Variants in PIGL observed in about 807,000 individuals in gnomAD.
PIGL encodes the protein phosphatidylinositol glycan anchor biosynthesis class L, also known as N-acetylglucosaminyl-phosphatidylinositol de-N-acetylase.
PIGL carries 22 observed loss-of-function variants against 31.1 expected under a neutral mutation model. The observed-to-expected ratio is 0.71, with a 90% CI of 0.51 to 1.01. PIGL has a LOEUF of 1.01. Ranked by LOEUF, PIGL falls within the 50% of genes least tolerant of loss-of-function variation. PIGL has a pLI of 0.00. For missense variants in PIGL, 302 were observed against 315.9 expected, an observed-to-expected ratio of 0.96 and a Z score of 0.33; for synonymous variants, 131 against 117.4, an observed-to-expected ratio of 1.12 and a Z score of -0.75.
chr17:16,297,507 T>C lies in PIGL; in HGVS notation c.336-2381T>C, dbSNP rs139727368. On this transcript the variant is annotated intron_variant, in intron 2 of 6. Transcript: ENST00000225609. ...CTGGTGTATTCCCTCTCCAAAATGA[T>C]GCCTTAATACATTTATGTGAACCTC... 8.5e-3 allele frequency among the ~76,000 whole-genome samples: 1,302 copies of C among 152,342 alleles called. 12 individuals are homozygous for C. The highest frequency in any genetic ancestry group is 0.014 in the Non-Finnish European group (932 of 68,026).
At chr17:16,217,621 G>T (rs1600728990) in intron 1 of PIGL, 160 bp downstream of exon 1, 2 of 577,250 alleles carry the variant, frequency 3.5e-6, no homozygotes, top group Admixed American at 3.3e-5. Context: ...GACAGGAGCG[G>T]CCGGCTTACC....
chr17:16,223,833 T>C (rs1397816289), intron 1 of PIGL, among the ~76,000 whole-genome samples: 1 of 152,198 alleles, frequency 6.6e-6, no homozygotes, highest in Non-Finnish European at 1.5e-5. Context: ...TAGACTGCAC[T>C]GCCAGCTCTC....
chr17:16,218,034 A>T (rs2092603292), intron 1 of PIGL: 1 of 152,280 alleles, frequency 6.6e-6, no homozygotes. Context: ...CCTTTCAAAT[A>T]ATAGATTTTT....
At chr17:16,275,277 C>G (rs2092890110) in intron 2 of PIGL, among the ~76,000 whole-genome samples, 2 of 152,140 alleles carry the variant, frequency 1.3e-5, no homozygotes, top group South Asian at 4.1e-4. Context: ...GTCAGTGGCA[C>G]TGGTGGGAGT....
intron 2 of PIGL, among the ~76,000 whole-genome samples, chr17:16,267,038 G>T (rs1188621184): frequency 1.3e-5 from 2 of 152,016 alleles, no homozygotes; most frequent in African/African-American, 2.4e-5. Context: ...ACAATGAGAG[G>T]GTTAGGGTGC....
chr17:16,278,330 C>T (rs1365271872), intron 2 of PIGL, among the ~76,000 whole-genome samples: 1 of 152,130 alleles, frequency 6.6e-6, no homozygotes, highest in East Asian at 1.9e-4. Context: ...CTCAGGTGAT[C>T]CACCTGCCTT....
At chr17:16,259,671 T>C (rs1480030040) in intron 2 of PIGL, among the ~76,000 whole-genome samples, 2 of 152,172 alleles carry the variant, frequency 1.3e-5, no homozygotes, top group African/African-American at 4.8e-5. Flanking sequence ...TTGCTGATGA[T>C]TTTGATGGCA....
At chr17:16,258,640 A>T (rs2092807304) in intron 2 of PIGL, among the ~76,000 whole-genome samples, 1 of 151,950 alleles carries the variant, frequency 6.6e-6, no homozygotes, top group Non-Finnish European at 1.5e-5. Flanking sequence ...AGTAGCTAGG[A>T]TTACAGGCAT....
At chr17:16,231,067 CTTTTTTTTT>C (rs59390439) in intron 1 of PIGL, among the ~76,000 whole-genome samples, 11 of 96,530 alleles carry the variant, frequency 1.1e-4, no homozygotes, top group South Asian at 6.5e-4. Context: ...TTTGGTTTTT[CTTTTTTTTT>C]TTTTTTTTTT....
At chr17:16,302,973 C>A (rs979103648) in intron 3 of PIGL, among the ~76,000 whole-genome samples, 1 of 152,152 alleles carries the variant, frequency 6.6e-6, no homozygotes, top group Non-Finnish European at 1.5e-5. Flanking sequence ...CACTGGTGAA[C>A]AACGTTGGTC....
chr17:16,313,483 A>G (rs2093063387), intron 3 of PIGL, 64 bp from the exon 4 acceptor site: 24 of 1,149,156 alleles, frequency 2.1e-5, no homozygotes, highest in Non-Finnish European at 2.4e-5. Context: ...AGGGAAGGAG[A>G]CAGCTCCATT....
intron 1 of PIGL, among the ~76,000 whole-genome samples, chr17:16,220,801 G>A (rs771021445): frequency 3.3e-5 from 5 of 151,874 alleles, no homozygotes; most frequent in South Asian, 2.1e-4. Context: ...CCAGGCTAAT[G>A]TTTGTATTTT....
intron 2 of PIGL, among the ~76,000 whole-genome samples, chr17:16,256,383 G>A (rs1956024498): frequency 6.6e-6 from 1 of 152,104 alleles, no homozygotes; most frequent in Admixed American, 6.6e-5. Flanking sequence ...TGTCACCTGG[G>A]CTAGAGTGCA....
At chr17:16,315,854 C>T (rs1215233867) in intron 4 of PIGL, among the ~76,000 whole-genome samples, 3 of 151,640 alleles carry the variant, frequency 2.0e-5, no homozygotes, top group African/African-American at 7.3e-5. Flanking sequence ...CATGCCACCA[C>T]GCCCGGTTAA....
intron 4 of PIGL, among the ~76,000 whole-genome samples, chr17:16,316,235 G>A (rs1435533531): frequency 1.3e-5 from 2 of 152,168 alleles, no homozygotes; most frequent in Admixed American, 1.3e-4. Context: ...TTAAGGTGGC[G>A]AGCACAGAAT....
chr17:16,243,349 C>T (rs1473868648), intron 2 of PIGL, among the ~76,000 whole-genome samples: 1 of 152,176 alleles, frequency 6.6e-6, no homozygotes, highest in Non-Finnish European at 1.5e-5. Flanking sequence ...CGTTTCTGGC[C>T]TGCTGATTAT....
At chr17:16,321,924 A>C (rs1297933977) in intron 6 of PIGL, among the ~76,000 whole-genome samples, 1 of 151,748 alleles carries the variant, frequency 6.6e-6, no homozygotes, top group Admixed American at 6.6e-5. Context: ...AGCTGGGATC[A>C]CAGGCACACG....
At chr17:16,258,125 A>AAGAGAGAGAGAGAAAG (rs2092804022) in intron 2 of PIGL, among the ~76,000 whole-genome samples, 1 of 89,980 alleles carries the variant, frequency 1.1e-5, no homozygotes, top group African/African-American at 4.4e-5. Flanking sequence ...GAGAGAGAGA[A>AAGAGAGAGAGAGAAAG]AGAGAGAGAG....
At chr17:16,272,626 A>G (rs2092877530) in intron 2 of PIGL, among the ~76,000 whole-genome samples, 1 of 152,152 alleles carries the variant, frequency 6.6e-6, no homozygotes, top group Non-Finnish European at 1.5e-5. Flanking sequence ...TCTCGCTGCC[A>G]TTGAAGCTCC....
Sources: allele counts gnomAD v4.1 joint callset (sites outside exome capture counted in the v4.1 genomes callset), GRCh38; gene constraint gnomAD v4.1.1; transcripts MANE v1.5; gene names NCBI Gene and HGNC (gene_info 2026-07-23, HGNC 2026-07-21).